Variants in ZFR observed in about 807,000 individuals in gnomAD.
ZFR encodes the protein zinc finger RNA-binding protein.
In ZFR, 19 loss-of-function variants were observed where a neutral mutation model predicts 130.7. That is an observed-to-expected ratio of 0.15 (90% CI 0.10 to 0.21). The LOEUF is 0.21. Ranked by LOEUF, ZFR falls within the 10% of genes least tolerant of loss-of-function variation. The pLI, the probability that ZFR is intolerant of heterozygous loss-of-function variation, is 1.00. For synonymous variants in ZFR, 466 were observed against 456.9 expected (o/e 1.02, Z -0.25); for missense variants, 872 against 1,321.5 (o/e 0.66, Z 5.27).
At chr5:32,403,082 G>A in intron 8 of ZFR, 24 bp downstream of exon 8, 1 of 1,604,642 alleles carries the variant, frequency 6.2e-7, no homozygotes, top group Non-Finnish European at 8.5e-7. Flanking sequence ...AGAGTCAGCA[G>A]GGACAGAGAA....
intron 11 of ZFR, among the ~76,000 whole-genome samples, chr5:32,394,173 A>G (rs1003840614): frequency 1.3e-5 from 2 of 152,246 alleles, no homozygotes; most frequent in Non-Finnish European, 2.9e-5. Flanking sequence ...CAGCAGCAAT[A>G]CTCATAATAG....
intron 15 of ZFR, among the ~76,000 whole-genome samples, chr5:32,381,905 C>A (rs1752943735): frequency 6.6e-6 from 1 of 151,954 alleles, no homozygotes; most frequent in African/African-American, 2.4e-5. Context: ...CTTATAAGAC[C>A]AACTATTGAA....
chr5:32,355,564 C>T lies in ZFR; in HGVS notation c.*196G>A, dbSNP rs1581671984. The T allele has an allele frequency of 3.6e-5, 15 of 411,614 alleles. No homozygotes were observed. In the East Asian group the frequency reaches 6.0e-4, roughly 16 times the overall value. 25.5% of individuals were successfully genotyped at this position (411,614 alleles called of 1,614,324 possible). On this transcript the variant is annotated 3_prime_UTR_variant, in exon 20 of 20. Coordinates refer to ENST00000265069, the MANE Select transcript of ZFR (RefSeq NM_016107.5). ...TACTGTTTTCCCCCTAGTCGGAGCA[C>T]ATTTTTTTTTTTGGGTGTCTTTCCA...
chr5:32,395,369 C>T, intron 10 of ZFR, 65 bp from the exon 11 acceptor site: 1 of 1,266,928 alleles, frequency 7.9e-7, no homozygotes, highest in South Asian at 1.9e-5. Flanking sequence ...TATTTTTAAT[C>T]ATACAATTAC....
chr5:32,437,399 AT>A (rs1463175991), intron 2 of ZFR, among the ~76,000 whole-genome samples: 2 of 152,204 alleles, frequency 1.3e-5, no homozygotes, highest in Non-Finnish European at 2.9e-5. Flanking sequence ...CAAGACTAAT[AT>A]TCAAATAAAA....
intron 2 of ZFR, among the ~76,000 whole-genome samples, chr5:32,421,284 G>A (rs1161505857): frequency 6.6e-6 from 1 of 151,984 alleles, no homozygotes; most frequent in African/African-American, 2.4e-5. Context: ...ATTTTAGTAT[G>A]AGCCAACAAC....
At chr5:32,374,718 A>AACAG (rs1752757473) in intron 17 of ZFR, among the ~76,000 whole-genome samples, 1 of 151,384 alleles carries the variant, frequency 6.6e-6, no homozygotes, top group African/African-American at 2.4e-5. Flanking sequence ...CAAACAAACA[A>AACAG]ACAAGCAAAA....
intron 5 of ZFR, among the ~76,000 whole-genome samples, chr5:32,412,493 T>G (rs1753734508): frequency 6.6e-6 from 1 of 152,200 alleles, no homozygotes; most frequent in Non-Finnish European, 1.5e-5. Flanking sequence ...GACTAGATTC[T>G]CAATTTCAAA....
chr5:32,422,588 G>A (rs1753980540), intron 2 of ZFR, among the ~76,000 whole-genome samples: 1 of 151,800 alleles, frequency 6.6e-6, no homozygotes, highest in South Asian at 2.1e-4. Flanking sequence ...CTTGAAGTCA[G>A]GAGTTTGAGA....
chr5:32,401,177 T>C (rs1291099369), intron 8 of ZFR, among the ~76,000 whole-genome samples: 1 of 152,250 alleles, frequency 6.6e-6, no homozygotes, highest in East Asian at 1.9e-4. Flanking sequence ...GTGAATCTCC[T>C]ACTTTTAAAC....
chr5:32,388,398 A>G (rs1753084379), intron 13 of ZFR, 71 bp downstream of exon 13: 11 of 1,398,456 alleles, frequency 7.9e-6, no homozygotes, highest in East Asian at 2.3e-5. Context: ...GTCATAAGCT[A>G]TATTTCAAAT....
intron 2 of ZFR, among the ~76,000 whole-genome samples, chr5:32,425,504 CA>C (rs1208568401): frequency 6.6e-6 from 1 of 152,254 alleles, no homozygotes; most frequent in East Asian, 1.9e-4. Context: ...TTTTCATAAG[CA>C]TATTTTTGGT....
chr5:32,428,541 C>T (rs1322066149), intron 2 of ZFR, among the ~76,000 whole-genome samples: 1 of 152,230 alleles, frequency 6.6e-6, no homozygotes, highest in Non-Finnish European at 1.5e-5. Flanking sequence ...TGCACCACTA[C>T]ACTTCAACCT....
Position 32,372,054 on chromosome 5 carries a change from C to T in ZFR, c.2835+7061G>A, listed in dbSNP as rs575545564. ...TTGAAACCTGAAACTGAAGGGGTGG[C>T]AATAAAATCCATCACATTTGGAGTG... On this transcript the variant is annotated intron_variant, in intron 17 of 19. Coordinates refer to ENST00000265069, the MANE Select transcript of ZFR (RefSeq NM_016107.5). Among the ~76,000 whole-genome samples, 3 of 152,210 alleles carry T rather than the reference C, an allele frequency of 2.0e-5. No homozygotes were observed. The South Asian group carries it at 6.2e-4, about 32-fold the overall frequency.
chr5:32,400,472 G>A (rs1012256610), intron 8 of ZFR, among the ~76,000 whole-genome samples: 1 of 152,138 alleles, frequency 6.6e-6, no homozygotes, highest in Non-Finnish European at 1.5e-5. Flanking sequence ...TACCTGAAAT[G>A]GTAAGGACTA....
At chr5:32,412,887 G>A (rs1454908464) in intron 5 of ZFR, among the ~76,000 whole-genome samples, 1 of 152,098 alleles carries the variant, frequency 6.6e-6, no homozygotes, top group African/African-American at 2.4e-5. Context: ...CTTTTCTGGA[G>A]AATTAAAATT....
intron 5 of ZFR, among the ~76,000 whole-genome samples, chr5:32,409,778 A>G (rs1174620633): frequency 6.6e-6 from 1 of 152,192 alleles, no homozygotes; most frequent in African/African-American, 2.4e-5. Context: ...TGACTATATT[A>G]TAATCTGTTA....
chr5:32,357,266 T>C (rs1752336095), intron 19 of ZFR, among the ~76,000 whole-genome samples: 1 of 150,888 alleles, frequency 6.6e-6, no homozygotes, highest in African/African-American at 2.4e-5. Context: ...ATAACTTGTA[T>C]TTATTTATTT....
intron 17 of ZFR, chr5:32,364,634 T>TA (rs1173039434): frequency 6.5e-6 from 1 of 154,742 alleles, no homozygotes; most frequent in Non-Finnish European, 1.4e-5. Flanking sequence ...CTTGGGGGAC[T>TA]GAGGCGGGAG....
Sources: allele counts gnomAD v4.1 joint callset (sites outside exome capture counted in the v4.1 genomes callset), GRCh38; gene constraint gnomAD v4.1.1; transcripts MANE v1.5; gene names NCBI Gene and HGNC (gene_info 2026-07-23, HGNC 2026-07-21).